Variants in ADGRV1 observed in about 807,000 individuals in gnomAD.
ADGRV1 encodes G-protein coupled receptor 98.
Under a neutral mutation model 596.2 loss-of-function variants are expected in ADGRV1, and 359 were observed. That is an observed-to-expected ratio of 0.60 (90% CI 0.55 to 0.66). The LOEUF (loss-of-function observed/expected upper bound fraction) is 0.66. Among genes scored for constraint, ADGRV1 ranks in the 30% least tolerant of loss-of-function variants. The pLI is 0.00. For missense variants in ADGRV1, 7,274 were observed against 7,575.6 expected, an observed-to-expected ratio of 0.96 and a Z score of 1.48; for synonymous variants, 2,681 against 2,679.2, an observed-to-expected ratio of 1.00 and a Z score of -0.02.
At chr5:90,790,347 G>A (rs1249430000) in intron 69 of ADGRV1, among the ~76,000 whole-genome samples, 1 of 152,146 alleles carries the variant, frequency 6.6e-6, no homozygotes, top group Non-Finnish European at 1.5e-5. Flanking sequence ...AACATATTTT[G>A]TGAAATTTCT....
chr5:90,667,848 G>C (rs1245182891), intron 21 of ADGRV1, among the ~76,000 whole-genome samples: 2 of 152,148 alleles, frequency 1.3e-5, no homozygotes, highest in Non-Finnish European at 2.9e-5. Context: ...CTCAGCTGCA[G>C]GGCTGTTGGA....
At chr5:90,758,580 A>G (rs1327416527) in intron 57 of ADGRV1, among the ~76,000 whole-genome samples, 1 of 152,138 alleles carries the variant, frequency 6.6e-6, no homozygotes, top group Non-Finnish European at 1.5e-5. Context: ...GGTGCAGGCA[A>G]TTTAATTACC....
intron 86 of ADGRV1, chr5:91,092,579 T>TA (rs1790481987): frequency 6.6e-6 from 1 of 152,102 alleles, no homozygotes; most frequent in Non-Finnish European, 1.5e-5. Context: ...GGTATATATA[T>TA]AAAAAACTTA....
intron 86 of ADGRV1, among the ~76,000 whole-genome samples, chr5:91,094,219 G>C (rs894028244): frequency 1.3e-5 from 2 of 152,038 alleles, no homozygotes; most frequent in African/African-American, 4.8e-5. Flanking sequence ...CAGCACTTTG[G>C]GAGACTGAGG....
chr5:90,922,937 CT>C (rs913428218), intron 83 of ADGRV1, among the ~76,000 whole-genome samples: 43 of 152,154 alleles, frequency 2.8e-4, no homozygotes, highest in African/African-American at 1.0e-3. Flanking sequence ...CCCTCAAAAC[CT>C]TCCACAGAGT....
At chr5:91,037,098 TCTC>T (rs1370975513) in intron 85 of ADGRV1, among the ~76,000 whole-genome samples, 23 of 152,064 alleles carry the variant, frequency 1.5e-4, no homozygotes, top group Non-Finnish European at 1.5e-5. Flanking sequence ...TCGTATCAGT[TCTC>T]CTTGCCCCAA....
intron 84 of ADGRV1, among the ~76,000 whole-genome samples, chr5:90,982,358 A>G (rs115700617): frequency 1.3e-5 from 2 of 152,282 alleles, no homozygotes; most frequent in African/African-American, 4.8e-5. Context: ...AAGTGAGGAC[A>G]TATTGTATAG....
intron 85 of ADGRV1, among the ~76,000 whole-genome samples, chr5:91,046,869 A>G (rs1020520231): frequency 6.6e-6 from 1 of 152,210 alleles, no homozygotes. Context: ...ATGAATAGAC[A>G]ATTCTCAAAA....
In ADGRV1 at chr5:90,848,718, C is replaced by A. The variant is rs775610031; in HGVS notation, c.17101C>A (p.Pro5701Thr). Residue 5701 changes from proline to threonine, a missense_variant, in exon 79 of 90, where the codon CCA becomes ACA. Coordinates refer to ENST00000405460, the MANE Select transcript of ADGRV1 (RefSeq NM_032119.4). Reference sequence around the variant, plus strand: ...TGAGATTCTTTGTTCTCTTATTAACCCAAAGCGCAAGGACACTAGGGGATT... The same window carrying A: ...TGAGATTCTTTGTTCTCTTATTAACACAAAGCGCAAGGACACTAGGGGATT... The part of the protein sequence containing the change: ...FYEILCSLIN[P>T]KRKDTRGFSH... 2 of 1,587,066 alleles carry A rather than the reference C, an allele frequency of 1.3e-6. No homozygotes were observed. Among genetic ancestry groups the A allele is most frequent in the South Asian group, 1.2e-5 (1 of 85,192 alleles).
intron 41 of ADGRV1, among the ~76,000 whole-genome samples, chr5:90,711,654 C>T (rs1046206255): frequency 6.6e-6 from 1 of 152,098 alleles, no homozygotes; most frequent in African/African-American, 2.4e-5. Flanking sequence ...TTACACTTCA[C>T]GAAAATTTTA....
intron 27 of ADGRV1, among the ~76,000 whole-genome samples, chr5:90,681,845 C>T (rs992495820): frequency 1.4e-5 from 2 of 139,292 alleles, no homozygotes; most frequent in Non-Finnish European, 3.1e-5. Flanking sequence ...TCCCTCCCTT[C>T]CTTCTTTCCT....
intron 85 of ADGRV1, among the ~76,000 whole-genome samples, chr5:91,026,727 C>T (rs1784045008): frequency 6.6e-6 from 1 of 152,020 alleles, no homozygotes; most frequent in African/African-American, 2.4e-5. Flanking sequence ...ACACTGAGGG[C>T]CTCAGTTAAA....
intron 86 of ADGRV1, among the ~76,000 whole-genome samples, chr5:91,079,754 C>T (rs1789175709): frequency 6.6e-6 from 1 of 152,170 alleles, no homozygotes; most frequent in Non-Finnish European, 1.5e-5. Context: ...TTACCAGTCT[C>T]AATTGGAGAT....
chr5:90,700,536 G>A (rs1747777216), intron 34 of ADGRV1, among the ~76,000 whole-genome samples: 1 of 152,066 alleles, frequency 6.6e-6, no homozygotes, highest in South Asian at 2.1e-4. Context: ...TTGCACACTG[G>A]GTATAAATGT....
Position 91,072,472 on chromosome 5 carries a change from G to A in ADGRV1, c.18178G>A (p.Ala6060Thr), listed in dbSNP as rs772671503. 15 of 1,613,668 alleles carry A rather than the reference G, an allele frequency of 9.3e-6. No individual in the cohort carries two copies. In the South Asian group the frequency reaches 1.4e-4, roughly 15 times the overall value. Residue 6060 changes from alanine to threonine, a missense_variant, in exon 86 of 90, where the codon GCT becomes ACT. Ala to Thr is a moderately conservative substitution (Grantham distance 58). Transcript: ENST00000405460. ...GTGTTTTATTCCAAACGTCTATGCT[G>A]CTTTGTTCACTGCAGCTCTTGTTCC... ...DLCFIPNVYA[A>T]LFTAALVPLT...
At chr5:90,920,366 C>T (rs1773769504) in intron 83 of ADGRV1, among the ~76,000 whole-genome samples, 1 of 152,166 alleles carries the variant, frequency 6.6e-6, no homozygotes, top group Admixed American at 6.5e-5. Flanking sequence ...AGAGTTTCAA[C>T]ATATGAATTC....
intron 85 of ADGRV1, among the ~76,000 whole-genome samples, chr5:91,065,075 A>G (rs1392529932): frequency 1.3e-5 from 2 of 152,234 alleles, no homozygotes; most frequent in Admixed American, 6.5e-5. Context: ...AATAAAACCA[A>G]TAAGCAGATA....
chr5:90,954,984 G>A (rs1444441334), intron 83 of ADGRV1, among the ~76,000 whole-genome samples: 1 of 151,884 alleles, frequency 6.6e-6, no homozygotes, highest in African/African-American at 2.4e-5. Context: ...GAGGTAATTA[G>A]GTAATGACAG....
chr5:91,006,664 A>G (rs2151127490), intron 85 of ADGRV1, among the ~76,000 whole-genome samples: 1 of 152,336 alleles, frequency 6.6e-6, no homozygotes, highest in South Asian at 2.1e-4. Flanking sequence ...ATTCACAACA[A>G]AGACAGAATC....
Sources: gnomAD v4.1 joint callset for allele counts (sites outside exome capture counted in the v4.1 genomes callset) on GRCh38, gnomAD v4.1.1 for gene constraint, MANE v1.5 for transcripts, NCBI Gene and HGNC (gene_info 2026-07-23, HGNC 2026-07-21) for gene names.